The following TFDP2 variants were observed in gnomAD, a reference collection of about 807,000 sequenced individuals.
TFDP2 encodes transcription factor Dp-2 (E2F dimerization partner 2).
TFDP2 carries 17 observed loss-of-function variants against 59.3 expected under a neutral mutation model. The ratio of observed to expected loss-of-function variants is 0.29; its 90% CI spans 0.20 to 0.43. The LOEUF (loss-of-function observed/expected upper bound fraction) is 0.43, where lower values mean the gene tolerates loss of function less well. TFDP2 is among the 20% of genes least tolerant of loss of function. The probability of loss-of-function intolerance (pLI) is 1.00; values close to 1 mark genes in which losing one functional copy is unlikely to be tolerated. For synonymous variants in TFDP2, 180 were observed against 194.7 expected, an observed-to-expected ratio of 0.92 and a Z score of 0.63; for missense variants, 391 against 528.8, an observed-to-expected ratio of 0.74 and a Z score of 2.56.
At chr3:142,089,065 G>A (rs545361280) in intron 3 of TFDP2, among the ~76,000 whole-genome samples, 2 of 152,136 alleles carry the variant, frequency 1.3e-5, no homozygotes, top group East Asian at 3.9e-4. Flanking sequence ...CTGACCTCAG[G>A]TGTTCCACCC....
intron 7 of TFDP2, 110 bp from the exon 8 acceptor site, chr3:141,974,301 AT>A (rs1257703214): frequency 6.2e-6 from 6 of 960,290 alleles, no homozygotes; most frequent in African/African-American, 3.4e-5. Flanking sequence ...GAAGGATTCT[AT>A]TTTTTTATTT....
chr3:141,960,520 G>A (rs1203026379), intron 10 of TFDP2, among the ~76,000 whole-genome samples: 2 of 152,156 alleles, frequency 1.3e-5, no homozygotes, highest in African/African-American at 2.4e-5. Context: ...GCTAGGCCTG[G>A]AGCACCTTCA....
chr3:142,101,960 A>T, intron 1 of TFDP2, 119 bp from the exon 2 acceptor site: 1 of 413,150 alleles, frequency 2.4e-6, no homozygotes, highest in African/African-American at 2.0e-5. Flanking sequence ...AATCTTCACA[A>T]CAACACTATG....
intron 3 of TFDP2, among the ~76,000 whole-genome samples, chr3:142,071,923 TAAGAC>T (rs2060261929): frequency 6.6e-6 from 1 of 152,160 alleles, no homozygotes; most frequent in African/African-American, 2.4e-5. Context: ...TACAAAATCT[TAAGAC>T]AAGTATTTGG....
chr3:142,022,208 T>C (rs1945671469), intron 3 of TFDP2, among the ~76,000 whole-genome samples: 1 of 152,172 alleles, frequency 6.6e-6, no homozygotes, highest in African/African-American at 2.4e-5. Flanking sequence ...GTGTCTCTTA[T>C]TCAAAACACA....
chr3:142,024,730 T>A (rs1186476782), intron 3 of TFDP2, among the ~76,000 whole-genome samples: 1 of 152,126 alleles, frequency 6.6e-6, no homozygotes, highest in African/African-American at 2.4e-5. Flanking sequence ...TTTAAATATT[T>A]AATTTAAGAC....
intron 3 of TFDP2, among the ~76,000 whole-genome samples, chr3:142,034,207 C>T (rs957176207): frequency 6.6e-5 from 10 of 151,460 alleles, no homozygotes; most frequent in African/African-American, 2.2e-4. Flanking sequence ...GCAATTCTCC[C>T]GCCTCAGCCT....
intron 3 of TFDP2, among the ~76,000 whole-genome samples, chr3:142,065,662 C>T (rs965185256): frequency 5.3e-5 from 8 of 151,784 alleles, no homozygotes; most frequent in African/African-American, 1.5e-4. Flanking sequence ...TAGGTGCACA[C>T]CCCCATACCT....
chr3:142,120,999 C>G (rs1420107323), intron 1 of TFDP2, among the ~76,000 whole-genome samples: 1 of 151,846 alleles, frequency 6.6e-6, no homozygotes, highest in Non-Finnish European at 1.5e-5. Context: ...GAGCCATCTG[C>G]AGATATTGGG....
At chr3:142,123,897 C>G (rs896852010) in intron 1 of TFDP2, among the ~76,000 whole-genome samples, 1 of 152,086 alleles carries the variant, frequency 6.6e-6, no homozygotes, top group African/African-American at 2.4e-5. Flanking sequence ...CAACTGTTTA[C>G]AGAGCAACCC....
intron 4 of TFDP2, among the ~76,000 whole-genome samples, chr3:141,996,574 G>C (rs1943292189): frequency 6.6e-6 from 1 of 152,204 alleles, no homozygotes; most frequent in African/African-American, 2.4e-5. Flanking sequence ...TCTGCAGCCA[G>C]GGTGAATCAT....
At chr3:141,989,133 T>C (rs1942466003) in intron 6 of TFDP2, 1 of 152,272 alleles carries the variant, frequency 6.6e-6, no homozygotes, top group South Asian at 2.1e-4. Context: ...AACTTTTGTT[T>C]ATTCATCTTG....
At chr3:141,969,304 G>T (rs1331549441) in intron 9 of TFDP2, among the ~76,000 whole-genome samples, 2 of 137,252 alleles carry the variant, frequency 1.5e-5, no homozygotes, top group African/African-American at 2.7e-5. Context: ...CCTAAATTTT[G>T]GTATTTCTAT....
At chr3:142,082,849 GGGT>G (rs1179131095) in intron 3 of TFDP2, among the ~76,000 whole-genome samples, 31 of 152,146 alleles carry the variant, frequency 2.0e-4, no homozygotes, top group Admixed American at 3.3e-4. Flanking sequence ...CTAAAAAACT[GGGT>G]ACAGAAGGAA....
intron 11 of TFDP2, among the ~76,000 whole-genome samples, chr3:141,955,614 A>G (rs546298982): frequency 2.4e-4 from 37 of 152,204 alleles, no homozygotes; most frequent in Non-Finnish European, 3.7e-4. Flanking sequence ...CTCAGCCAAC[A>G]AACTCTTCTG....
At chr3:141,981,270 C>T (rs184183516) in intron 6 of TFDP2, among the ~76,000 whole-genome samples, 36 of 152,278 alleles carry the variant, frequency 2.4e-4, no homozygotes, top group African/African-American at 8.2e-4. Flanking sequence ...TTTATAGCCT[C>T]GGGGCAATAG....
chr3:141,985,907 A>G (rs991476619), intron 6 of TFDP2, among the ~76,000 whole-genome samples: 4 of 152,238 alleles, frequency 2.6e-5, no homozygotes, highest in African/African-American at 9.6e-5. Flanking sequence ...AATGCAAATC[A>G]AAATGCTTTG....
At chr3:142,039,670 C>A (rs955753282) in intron 3 of TFDP2, among the ~76,000 whole-genome samples, 1 of 152,164 alleles carries the variant, frequency 6.6e-6, no homozygotes, top group African/African-American at 2.4e-5. Context: ...TGAACAGGGA[C>A]TGCCTAAAGC....
At chr3:142,007,883 A>C (rs1193001401) in intron 3 of TFDP2, among the ~76,000 whole-genome samples, 2 of 152,108 alleles carry the variant, frequency 1.3e-5, no homozygotes, top group Non-Finnish European at 2.9e-5. Context: ...GGCTGCAAAT[A>C]CAGATGAAGC....
Sources: allele counts gnomAD v4.1 joint callset (sites outside exome capture counted in the v4.1 genomes callset), GRCh38; gene constraint gnomAD v4.1.1; transcripts MANE v1.5; gene names NCBI Gene and HGNC (gene_info 2026-07-23, HGNC 2026-07-21).